The following PDGFC variants were observed in gnomAD, a reference collection of about 807,000 sequenced individuals.
PDGFC encodes platelet derived growth factor C.
Under a neutral mutation model 35.5 loss-of-function variants are expected in PDGFC, and 12 were observed. The ratio of observed to expected loss-of-function variants is 0.34; its 90% CI spans 0.22 to 0.55. The LOEUF (loss-of-function observed/expected upper bound fraction) is 0.55. PDGFC is among the 20% of genes least tolerant of loss of function. The pLI, the probability that PDGFC is intolerant of heterozygous loss-of-function variation, is 0.91. For synonymous variants in PDGFC, 159 were observed against 148.8 expected (o/e 1.07, Z -0.50); for missense variants, 322 against 412.4 (o/e 0.78, Z 1.90).
chr4:156,950,194 T>C (rs1732046523), intron 1 of PDGFC, among the ~76,000 whole-genome samples: 1 of 151,838 alleles, frequency 6.6e-6, no homozygotes, highest in Non-Finnish European at 1.5e-5. Flanking sequence ...TGCCGAAAAG[T>C]AGTACATAAA....
intron 3 of PDGFC, among the ~76,000 whole-genome samples, chr4:156,794,783 C>T (rs1731395654): frequency 3.3e-5 from 5 of 151,932 alleles, no homozygotes. Context: ...TGGAAGAGAA[C>T]AAAAATATAT....
intron 4 of PDGFC, among the ~76,000 whole-genome samples, chr4:156,772,449 C>G (rs984135103): frequency 1.3e-5 from 2 of 152,076 alleles, no homozygotes; most frequent in African/African-American, 4.8e-5. Context: ...TAATATATAA[C>G]TGGAATTTTC....
At chr4:156,890,768 T>C (rs978802572) in intron 1 of PDGFC, among the ~76,000 whole-genome samples, 2 of 152,236 alleles carry the variant, frequency 1.3e-5, no homozygotes, top group African/African-American at 2.4e-5. Flanking sequence ...ATGTGCAATG[T>C]TACATGTGAA....
At chr4:156,956,943 G>C (rs1223642780) in intron 1 of PDGFC, among the ~76,000 whole-genome samples, 3 of 151,928 alleles carry the variant, frequency 2.0e-5, no homozygotes, top group African/African-American at 7.2e-5. Context: ...ATAGGTACCA[G>C]GACATCAAAG....
At chr4:156,812,643 A>G (rs1451270717) in intron 2 of PDGFC, among the ~76,000 whole-genome samples, 4 of 152,180 alleles carry the variant, frequency 2.6e-5, no homozygotes, top group Non-Finnish European at 5.9e-5. Flanking sequence ...TGTATAATGA[A>G]ACAATTATAC....
At chr4:156,789,000 T>A (rs1213274722) in intron 3 of PDGFC, among the ~76,000 whole-genome samples, 1 of 152,234 alleles carries the variant, frequency 6.6e-6, no homozygotes, top group Non-Finnish European at 1.5e-5. Context: ...TAGAATTATA[T>A]AATTGTTGAC....
rs202066963 is a variant in PDGFC at position 156,960,252 on chromosome 4, T to TTATATATATATATATATATA, written c.118+10514_118+10533dup. Among the ~76,000 whole-genome samples, 347 of 136,978 alleles carry TTATATATATATATATATATA rather than the reference T, an allele frequency of 2.5e-3. 3 individuals are homozygous for TTATATATATATATATATATA. The highest frequency in any genetic ancestry group is 9.1e-3 in the African/African-American group (319 of 35,008). 89.9% of individuals were successfully genotyped at this position (136,978 alleles called of 152,430 possible). A position where few individuals can be genotyped will look rare whatever the true frequency, so the allele number is the denominator to read the frequency against. On this transcript the variant is annotated intron_variant, in intron 1 of 5. Transcript: ENST00000502773. ...AAGCCATTTGATATATATATAACTG[T>TTATATATATATATATATATA]TATATATATATATATATATATAAAA... is the stretch of plus-strand genomic sequence containing the variant.
intron 2 of PDGFC, among the ~76,000 whole-genome samples, chr4:156,832,366 C>G (rs1027250800): frequency 4.0e-5 from 6 of 151,106 alleles, no homozygotes; most frequent in African/African-American, 1.5e-4. Context: ...AAGCGATTCT[C>G]CTGCCTCAGC....
chr4:156,918,434 C>T (rs1285658155), intron 1 of PDGFC, among the ~76,000 whole-genome samples: 2 of 152,180 alleles, frequency 1.3e-5, no homozygotes, highest in East Asian at 1.9e-4. Context: ...TAGCCATAGA[C>T]GATGTCCCTT....
At chr4:156,964,401 T>C (rs1365606434) in intron 1 of PDGFC, among the ~76,000 whole-genome samples, 1 of 148,488 alleles carries the variant, frequency 6.7e-6, no homozygotes, top group Non-Finnish European at 1.5e-5. Flanking sequence ...TATATATATA[T>C]AGTGATATAT....
At chr4:156,776,079 G>A (rs1017692513) in intron 3 of PDGFC, among the ~76,000 whole-genome samples, 2 of 151,964 alleles carry the variant, frequency 1.3e-5, no homozygotes, top group Non-Finnish European at 2.9e-5. Flanking sequence ...GTTGTTTAAA[G>A]GGACTCTCAG....
chr4:156,916,244 C>T (rs1438379528), intron 1 of PDGFC, among the ~76,000 whole-genome samples: 1 of 152,098 alleles, frequency 6.6e-6, no homozygotes, highest in Non-Finnish European at 1.5e-5. Context: ...GACCCTGTTG[C>T]AAAAGGGCCT....
intron 1 of PDGFC, among the ~76,000 whole-genome samples, chr4:156,893,356 C>G (rs953582852): frequency 6.7e-6 from 1 of 149,248 alleles, no homozygotes; most frequent in African/African-American, 2.5e-5. Flanking sequence ...TTTTTTAAGA[C>G]AGGGTCTTGG....
At chr4:156,810,371 A>C (rs1433190525) in intron 3 of PDGFC, among the ~76,000 whole-genome samples, 1 of 151,960 alleles carries the variant, frequency 6.6e-6, no homozygotes, top group Non-Finnish European at 1.5e-5. Context: ...TTTATAACAT[A>C]CACAATTTAT....
intron 2 of PDGFC, among the ~76,000 whole-genome samples, chr4:156,823,898 C>T (rs562359984): frequency 1.3e-5 from 2 of 152,012 alleles, no homozygotes; most frequent in African/African-American, 4.8e-5. Flanking sequence ...TACTATACAG[C>T]CTTCAGAAAG....
intron 1 of PDGFC, among the ~76,000 whole-genome samples, chr4:156,898,060 C>T (rs1730678823): frequency 6.6e-6 from 1 of 152,118 alleles, no homozygotes; most frequent in African/African-American, 2.4e-5. Flanking sequence ...GACCTAATCC[C>T]CAATGTGATG....
chr4:156,863,343 A>T (rs1279359789), intron 1 of PDGFC, among the ~76,000 whole-genome samples: 1 of 152,098 alleles, frequency 6.6e-6, no homozygotes, highest in African/African-American at 2.4e-5. Context: ...ACTATATTAC[A>T]CTACTCCAGG....
intron 2 of PDGFC, among the ~76,000 whole-genome samples, chr4:156,840,146 G>A (rs1307586232): frequency 6.6e-6 from 1 of 152,144 alleles, no homozygotes; most frequent in East Asian, 1.9e-4. Flanking sequence ...AAGACAATGG[G>A]AAAAATGTCT....
At chr4:156,788,728 T>C (rs551705616) in intron 3 of PDGFC, among the ~76,000 whole-genome samples, 3 of 152,346 alleles carry the variant, frequency 2.0e-5, no homozygotes, top group East Asian at 3.9e-4. Flanking sequence ...TGAATGCTCA[T>C]GCAACAAATA....
Sources: gnomAD v4.1 joint callset for allele counts (sites outside exome capture counted in the v4.1 genomes callset) on GRCh38, gnomAD v4.1.1 for gene constraint, MANE v1.5 for transcripts, NCBI Gene and HGNC (gene_info 2026-07-23, HGNC 2026-07-21) for gene names.